The following SHANK2 variants were observed in gnomAD, a reference collection of about 807,000 sequenced individuals.
SHANK2 encodes SH3 and multiple ankyrin repeat domains 2.
SHANK2 carries 43 observed loss-of-function variants against 133.7 expected under a neutral mutation model. That is an observed-to-expected ratio of 0.32 (90% CI 0.25 to 0.41). The LOEUF (loss-of-function observed/expected upper bound fraction) is 0.41. Among genes scored for constraint, SHANK2 ranks in the 10% least tolerant of loss-of-function variants. SHANK2 has a pLI of 1.00. For synonymous variants in SHANK2, 1,017 were observed against 952.8 expected, an observed-to-expected ratio of 1.07 and a Z score of -1.24; for missense variants, 1,994 against 2,235.8, an observed-to-expected ratio of 0.89 and a Z score of 2.18.
rs879970406 is a variant in SHANK2 at position 70,621,214 on chromosome 11, G to A, written c.2061+38614C>T. ...CCTCCCAGGAAGACCCAATTTCTGGGGTGTCCAAGGGGCAGTCCTAGACAC... is the reference window on the plus strand; with the variant it reads ...CCTCCCAGGAAGACCCAATTTCTGGAGTGTCCAAGGGGCAGTCCTAGACAC... On this transcript the variant is annotated intron_variant, in intron 17 of 25. Coordinates refer to ENST00000601538, the MANE Select transcript of SHANK2 (RefSeq NM_012309.5). Among the ~76,000 whole-genome samples, 11 of 152,180 alleles carry A rather than the reference G, an allele frequency of 7.2e-5. 1 individual carries two copies. Among genetic ancestry groups the A allele is most frequent in the Admixed American group, 3.3e-4 (5 of 15,272 alleles).
At chr11:70,618,971 T>C (rs1435901160) in intron 17 of SHANK2, among the ~76,000 whole-genome samples, 2 of 151,850 alleles carry the variant, frequency 1.3e-5, no homozygotes, top group South Asian at 4.2e-4. Flanking sequence ...ATGGACGGGG[T>C]GAATCATTGC....
At chr11:70,630,317 C>A (rs1457807992) in intron 17 of SHANK2, among the ~76,000 whole-genome samples, 1 of 152,206 alleles carries the variant, frequency 6.6e-6, no homozygotes, top group Non-Finnish European at 1.5e-5. Flanking sequence ...AACCAGGCCA[C>A]GGCTGAGGAC....
intron 11 of SHANK2, among the ~76,000 whole-genome samples, chr11:70,890,269 C>T (rs766313276): frequency 8.6e-5 from 13 of 151,636 alleles, no homozygotes; most frequent in Non-Finnish European, 1.8e-4. Flanking sequence ...TTTGGGAGGC[C>T]GAGGCAGGCA....
chr11:70,955,422 GGT>G (rs1186144718), intron 10 of SHANK2, among the ~76,000 whole-genome samples: 9,486 of 146,406 alleles, frequency 0.065, 353 homozygotes, highest in East Asian at 0.15. Flanking sequence ...AGACCCACGG[GGT>G]GTGTGTGTGT....
At chr11:71,224,417 A>G (rs1294333406) in intron 2 of SHANK2, among the ~76,000 whole-genome samples, 1 of 152,026 alleles carries the variant, frequency 6.6e-6, no homozygotes, top group Non-Finnish European at 1.5e-5. Flanking sequence ...AGCCACCCTG[A>G]CTGGGTCTAG....
At chr11:71,152,961 A>T (rs1952825543) in intron 2 of SHANK2, among the ~76,000 whole-genome samples, 1 of 152,190 alleles carries the variant, frequency 6.6e-6, no homozygotes, top group South Asian at 2.1e-4. Flanking sequence ...TCAGACAAAC[A>T]ACAAAGACAC....
intron 10 of SHANK2, among the ~76,000 whole-genome samples, chr11:70,924,937 G>A (rs1341321578): frequency 1.3e-5 from 2 of 152,160 alleles, no homozygotes; most frequent in South Asian, 2.1e-4. Flanking sequence ...TATTGGAAGC[G>A]TTCACCAGGA....
intron 15 of SHANK2, among the ~76,000 whole-genome samples, chr11:70,691,455 C>T (rs79970408): frequency 0.052 from 7,928 of 152,210 alleles, 291 homozygotes; most frequent in Non-Finnish European, 0.073. Flanking sequence ...GACCTGGTTC[C>T]GGCCACCATC....
intron 17 of SHANK2, among the ~76,000 whole-genome samples, chr11:70,513,192 C>T (rs1015365933): frequency 2.6e-5 from 4 of 151,768 alleles, no homozygotes; most frequent in Non-Finnish European, 1.5e-5. Flanking sequence ...AGATCCTGCA[C>T]AAACCTGCAG....
intron 12 of SHANK2, among the ~76,000 whole-genome samples, chr11:70,812,870 C>T (rs978580985): frequency 6.6e-6 from 1 of 151,980 alleles, no homozygotes; most frequent in African/African-American, 2.4e-5. Context: ...GGTATAAGGG[C>T]CAAATCACTG....
intron 11 of SHANK2, among the ~76,000 whole-genome samples, chr11:70,825,650 A>G (rs1948625815): frequency 6.6e-6 from 1 of 152,198 alleles, no homozygotes; most frequent in Admixed American, 6.5e-5. Context: ...TTTATTTTGC[A>G]ACGAGCTGGG....
intron 9 of SHANK2, among the ~76,000 whole-genome samples, chr11:71,062,171 G>A (rs913097186): frequency 1.3e-5 from 2 of 151,932 alleles, no homozygotes; most frequent in African/African-American, 2.4e-5. Context: ...GCCCAGGCTG[G>A]TCTCCATCTC....
chr11:70,578,060 G>A (rs1554984666), intron 17 of SHANK2, among the ~76,000 whole-genome samples: 1 of 152,214 alleles, frequency 6.6e-6, no homozygotes, highest in Non-Finnish European at 1.5e-5. Flanking sequence ...AACGTCCCGT[G>A]TAAGCCGCCC....
At chr11:70,916,598 C>A (rs544360543) in intron 10 of SHANK2, among the ~76,000 whole-genome samples, 2 of 152,296 alleles carry the variant, frequency 1.3e-5, no homozygotes, top group East Asian at 3.9e-4. Context: ...GCATGATTCA[C>A]CGGCAAGAGG....
intron 17 of SHANK2, among the ~76,000 whole-genome samples, chr11:70,551,781 G>C (rs560134223): frequency 6.6e-6 from 1 of 152,218 alleles, no homozygotes; most frequent in African/African-American, 2.4e-5. Context: ...GTCTCTGCTC[G>C]TCCACCTGGT....
chr11:70,778,464 C>A lies in SHANK2; in HGVS notation c.1777+19979G>T, dbSNP rs144517012. ...AAAACTCCTATGCTGAAGCCATGAC[C>A]CCCTCAGTGTGACTGGATTTGGAGA... On this transcript the variant is annotated intron_variant, in intron 14 of 25. Transcript: ENST00000601538. Among the ~76,000 whole-genome samples the A allele has an allele frequency of 4.5e-4, 68 of 152,206 alleles. 2 individuals carry two copies. Among genetic ancestry groups the A allele is most frequent in the African/African-American group, 1.6e-3 (65 of 41,516 alleles).
chr11:71,135,710 C>A (rs1952424976), intron 3 of SHANK2, among the ~76,000 whole-genome samples: 1 of 152,100 alleles, frequency 6.6e-6, no homozygotes, highest in African/African-American at 2.4e-5. Context: ...CCTGCCTCAG[C>A]CTCCCAAAGT....
At chr11:70,743,939 G>C (rs1055292279) in intron 14 of SHANK2, among the ~76,000 whole-genome samples, 1 of 152,082 alleles carries the variant, frequency 6.6e-6, no homozygotes, top group East Asian at 1.9e-4. Flanking sequence ...CTAAGACCCC[G>C]TCCACTGCAC....
chr11:70,484,664 A>G (rs1484779983), intron 25 of SHANK2, among the ~76,000 whole-genome samples: 1 of 152,208 alleles, frequency 6.6e-6, no homozygotes, highest in Non-Finnish European at 1.5e-5. Flanking sequence ...TTCTACGTTC[A>G]GTTCCAATGG....
Sources: gnomAD v4.1 joint callset for allele counts (sites outside exome capture counted in the v4.1 genomes callset) on GRCh38, gnomAD v4.1.1 for gene constraint, MANE v1.5 for transcripts, NCBI Gene and HGNC (gene_info 2026-07-23, HGNC 2026-07-21) for gene names.